TET3: variants seen among roughly 807,000 people sequenced by gnomAD.
TET3 encodes methylcytosine dioxygenase TET3.
Under a neutral mutation model 141.4 loss-of-function variants are expected in TET3, and 19 were observed. The observed-to-expected ratio is 0.13, with a 90% CI of 0.09 to 0.20. The LOEUF is 0.20. TET3 is among the 10% of genes least tolerant of loss of function. TET3 has a pLI of 1.00. For synonymous variants in TET3, 1,043 were observed against 980.9 expected, an observed-to-expected ratio of 1.06 and a Z score of -1.18; for missense variants, 1,874 against 2,356.9, an observed-to-expected ratio of 0.80 and a Z score of 4.24.
intron 4 of TET3, among the ~76,000 whole-genome samples, chr2:74,058,391 G>A (rs1028934813): frequency 8.5e-5 from 13 of 152,152 alleles, no homozygotes; most frequent in African/African-American, 3.1e-4. Flanking sequence ...AGAGTCAAAG[G>A]TGGAATAGAA....
chr2:74,046,943 T>C lies in TET3; in HGVS notation c.1026T>C (p.Ser342=). 3 of 1,613,776 alleles carry C rather than the reference T, an allele frequency of 1.9e-6. No homozygotes were observed. Among genetic ancestry groups the C allele is most frequent in the Non-Finnish European group, 8.5e-7 (1 of 1,179,812 alleles). ...SPQEGLPLSQ[S]ALSIAKEKNI... ...AAGAGGGCCTGCCCCTGTCCCAGAG[T>C]GCCCTGAGCATTGCCAAGGAAAAAA... The change falls in exon 4 of 12, where the codon AGT becomes AGC. Residue 342 remains serine, a synonymous_variant. Coordinates refer to ENST00000409262, the MANE Select transcript of TET3 (RefSeq NM_001287491.2). The surrounding 1 kb of genome is among the most constrained non-coding windows in gnomAD (Gnocchi z 4.3).
rs1292496396 is a variant in TET3, at chr2:74,100,854, C to T, written c.4066C>T (p.His1356Tyr). 2 of 1,611,676 alleles carry T rather than the reference C, an allele frequency of 1.2e-6. No homozygotes were observed. The highest frequency in any genetic ancestry group is 2.2e-5 in the South Asian group (2 of 90,550). ...PTDAHHPTPH[H>Y]QQPAYPGPKE... ...AGACGCCCACCACCCCACTCCTCAC[C>T]ACCAGCAGCCTGCGTACCCAGGCCC... The change falls in exon 12 of 12, where the codon CAC becomes TAC. Residue 1356 changes from histidine (H) to tyrosine (Y), a missense_variant. Physicochemically the swap from His to Tyr is moderately conservative, Grantham distance 83. Transcript: ENST00000409262.
intron 3 of TET3, among the ~76,000 whole-genome samples, chr2:74,032,757 C>T (rs1686822732): frequency 6.6e-6 from 1 of 152,130 alleles, no homozygotes; most frequent in African/African-American, 2.4e-5. Context: ...GGGGAGCCTG[C>T]AGAGCAGCCA....
chr2:74,081,385 G>A (rs1282601667), intron 6 of TET3, among the ~76,000 whole-genome samples: 1 of 152,246 alleles, frequency 6.6e-6, no homozygotes, highest in African/African-American at 2.4e-5. Context: ...CGAGGGCTCG[G>A]TCCCTATGTT....
chr2:74,100,046 G>A (rs926213115), intron 11 of TET3, among the ~76,000 whole-genome samples: 4 of 152,168 alleles, frequency 2.6e-5, no homozygotes, highest in African/African-American at 9.7e-5. Flanking sequence ...CAGTGATCCC[G>A]ACTGGGCTGG....
intron 5 of TET3, among the ~76,000 whole-genome samples, chr2:74,076,441 GTTTTTTTTTTTTTTTT>G (rs70965785): frequency 0.028 from 1,583 of 56,720 alleles, 53 homozygotes; most frequent in African/African-American, 0.091. Flanking sequence ...ATTCCTCTGG[GTTTTTTTTTTTTTTTT>G]TTTTTTTTTT....
At chr2:74,119,443 T>C in the TET3 span, among the ~76,000 whole-genome samples, 1 of 152,172 alleles carries the variant, frequency 6.6e-6, no homozygotes, top group African/African-American at 2.4e-5. Context: ...TGTCTGATTG[T>C]TTCTTCATTA....
At chr2:74,013,050 A>G (rs534061838) in intron 3 of TET3, among the ~76,000 whole-genome samples, 3 of 149,558 alleles carry the variant, frequency 2.0e-5, no homozygotes, top group Admixed American at 6.7e-5. Context: ...GCTGGAGCGC[A>G]ATGGCATGAT....
In TET3 at chr2:74,102,892, C is replaced by T. The variant is rs752253131; in HGVS notation, c.*716C>T. On this transcript the variant is annotated 3_prime_UTR_variant, in exon 12 of 12. Coordinates refer to ENST00000409262, the MANE Select transcript of TET3 (RefSeq NM_001287491.2). ...CCTTTTCCAGTCCCCGGCTTGGAGTCGAAGGGCAGATGCACCCCAGGCCAG... is the reference window on the plus strand; with the variant it reads ...CCTTTTCCAGTCCCCGGCTTGGAGTTGAAGGGCAGATGCACCCCAGGCCAG... The T allele has an allele frequency of 1.3e-5, 2 of 152,214 alleles. No individual in the cohort carries two copies. Among genetic ancestry groups the T allele is most frequent in the African/African-American group, 4.8e-5 (2 of 41,414 alleles). 9.4% of individuals were successfully genotyped at this position (152,214 alleles called of 1,614,324 possible).
intron 2 of TET3, among the ~76,000 whole-genome samples, chr2:73,992,488 T>A (rs28421442): frequency 0.1 from 15,475 of 151,812 alleles, 1,904 homozygotes; most frequent in African/African-American, 0.28. Flanking sequence ...TAATTTTTGT[T>A]TTTTTAGTAG....
At chr2:74,037,538 G>T (rs1687134427) in intron 3 of TET3, among the ~76,000 whole-genome samples, 5 of 152,216 alleles carry the variant, frequency 3.3e-5, no homozygotes, top group Admixed American at 3.3e-4. Flanking sequence ...GGCTTAGCAG[G>T]GTGGGGTGTT....
chr2:74,085,566 C>T lies in TET3; in HGVS notation c.2680-2264C>T, dbSNP rs993087006. 3.7e-4 allele frequency among the ~76,000 whole-genome samples: 57 copies of T among 152,232 alleles called. 1 individual carries two copies. The highest frequency in any genetic ancestry group is 5.9e-4 in the Admixed American group (9 of 15,292). ...ACTTTTTGGCACCAGGGACTGGTTT[C>T]GTGGAAGACCATTCAGGCATTAGAT... On this transcript the variant is annotated intron_variant, in intron 6 of 11. Coordinates refer to ENST00000409262, the MANE Select transcript of TET3 (RefSeq NM_001287491.2).
intron 4 of TET3, among the ~76,000 whole-genome samples, chr2:74,072,833 G>A (rs937166117): frequency 2.0e-5 from 3 of 152,084 alleles, no homozygotes; most frequent in Non-Finnish European, 4.4e-5. Context: ...TTCATATCAG[G>A]GAAATCCTAC....
intron 6 of TET3, among the ~76,000 whole-genome samples, chr2:74,081,172 C>A (rs1689800363): frequency 6.6e-6 from 1 of 152,226 alleles, no homozygotes; most frequent in South Asian, 2.1e-4. Flanking sequence ...ACCTAGACAT[C>A]TTCACAGGGA....
intron 4 of TET3, among the ~76,000 whole-genome samples, chr2:74,073,152 G>A (rs748378247): frequency 2.0e-5 from 3 of 152,168 alleles, no homozygotes; most frequent in Non-Finnish European, 4.4e-5. Context: ...TTGGCCGGGT[G>A]CGGTGGCTCA....
At position 74,105,491 on chromosome 2, in the gene TET3, G is replaced by A. The variant is rs1056292191; in HGVS notation, c.*3315G>A. 1.3e-4 allele frequency: 52 copies of A among 398,098 alleles called. No homozygotes were observed. The Middle Eastern group carries it at 2.5e-3, about 19-fold the overall frequency. 24.7% of individuals were successfully genotyped at this position (398,098 alleles called of 1,614,324 possible). On this transcript the variant is annotated 3_prime_UTR_variant, in exon 12 of 12. Coordinates refer to ENST00000409262, the MANE Select transcript of TET3 (RefSeq NM_001287491.2). ...TTGACTAAAGGTGTTGCATGGATTTGGGGGTCTTTCGGTTTTTGGTTTTGG... is the reference window on the plus strand; with the variant it reads ...TTGACTAAAGGTGTTGCATGGATTTAGGGGTCTTTCGGTTTTTGGTTTTGG...
In TET3 at chr2:74,047,052, C is replaced by G; in HGVS notation, c.1135C>G (p.Gln379Glu). Reference protein sequence around the residue: ...ALPQPSHSTPQASCPLPEALS... With the variant: ...ALPQPSHSTPEASCPLPEALS... ...CCCGCAGCCTTCTCATTCCACCCCC[C>G]AGGCTTCTTGCCCCCTTCCTGAGGC... is the stretch of plus-strand genomic sequence containing the variant. The change falls in exon 4 of 12, where the codon CAG becomes GAG. Residue 379 changes from glutamine to glutamate, a missense_variant. Around this residue, in one of 10 missense-constraint regions of TET3, gnomAD observed 484 missense variants for 462.2 expected, o/e 1.05. Transcript: ENST00000409262. The G allele has an allele frequency of 6.2e-7, 1 of 1,614,008 alleles. No homozygotes were observed. The highest frequency in any genetic ancestry group is 8.5e-7 in the Non-Finnish European group (1 of 1,179,868).
At chr2:74,130,057 T>C in the TET3 span, among the ~76,000 whole-genome samples, 8 of 148,120 alleles carry the variant, frequency 5.4e-5, no homozygotes, top group African/African-American at 1.3e-4. Context: ...ATTGTGCCAC[T>C]GTATTCCAGC....
At chr2:74,099,960 C>T (rs1166882269) in intron 11 of TET3, among the ~76,000 whole-genome samples, 1 of 152,108 alleles carries the variant, frequency 6.6e-6, no homozygotes, top group African/African-American at 2.4e-5. Context: ...GGGTGTGTGC[C>T]AGGGCAGCAG....
Sources: allele counts gnomAD v4.1 joint callset (sites outside exome capture counted in the v4.1 genomes callset), GRCh38; gene constraint gnomAD v4.1.1; regional missense constraint gnomAD v4.1.1; non-coding constraint Gnocchi (gnomAD v3.1); transcripts MANE v1.5; gene names NCBI Gene and HGNC (gene_info 2026-07-23, HGNC 2026-07-21).